Variants in FSTL4 observed in about 807,000 individuals in gnomAD.
FSTL4 encodes the protein follistatin-related protein 4.
A neutral mutation model predicts 78.2 loss-of-function variants in FSTL4; 28 were observed. The ratio of observed to expected loss-of-function variants is 0.36; its 90% CI spans 0.27 to 0.49. The LOEUF (loss-of-function observed/expected upper bound fraction) is 0.49, where lower values mean the gene tolerates loss of function less well. Ranked by LOEUF, FSTL4 falls within the 20% of genes least tolerant of loss-of-function variation. The pLI is 0.98. For synonymous variants in FSTL4, 422 were observed against 440.5 expected (o/e 0.96, Z 0.53); for missense variants, 922 against 1,084.9 (o/e 0.85, Z 2.11).
At chr5:133,414,487 C>A (rs1307352381) in intron 3 of FSTL4, among the ~76,000 whole-genome samples, 3 of 152,114 alleles carry the variant, frequency 2.0e-5, no homozygotes, top group Admixed American at 2.0e-4. Flanking sequence ...GTATGTAAAC[C>A]AAAACCAACG....
chr5:133,242,693 C>A (rs17166431), intron 7 of FSTL4, among the ~76,000 whole-genome samples: 68,887 of 152,052 alleles, frequency 0.45, 19,899 homozygotes, highest in African/African-American at 0.8. Flanking sequence ...TCTCTGGACA[C>A]TACTCCCAAT....
chr5:133,830,362 A>G, the FSTL4 span, among the ~76,000 whole-genome samples: 3 of 152,314 alleles, frequency 2.0e-5, no homozygotes, highest in Non-Finnish European at 2.9e-5. Flanking sequence ...CAGCATGGCT[A>G]GAAGTAGCTC....
At chr5:133,356,972 A>G (rs1430402673) in intron 4 of FSTL4, among the ~76,000 whole-genome samples, 1 of 152,228 alleles carries the variant, frequency 6.6e-6, no homozygotes, top group African/African-American at 2.4e-5. Context: ...TTGGTTTTAC[A>G]GTCCAGGGCC....
At chr5:133,286,134 G>T (rs1253391750) in intron 6 of FSTL4, among the ~76,000 whole-genome samples, 1 of 152,226 alleles carries the variant, frequency 6.6e-6, no homozygotes, top group African/African-American at 2.4e-5. Context: ...GTTGTGCAGT[G>T]CTTAGGAGCC....
At chr5:133,571,186 A>G (rs1760146559) in intron 2 of FSTL4, among the ~76,000 whole-genome samples, 1 of 152,200 alleles carries the variant, frequency 6.6e-6, no homozygotes, top group South Asian at 2.1e-4. Context: ...TAGGCTTTCC[A>G]AGAAATAGTC....
chr5:133,779,241 C>A, the FSTL4 span, among the ~76,000 whole-genome samples: 1 of 152,174 alleles, frequency 6.6e-6, no homozygotes, highest in Non-Finnish European at 1.5e-5. Flanking sequence ...CCACTCCTGT[C>A]CCCTAATGGT....
intron 6 of FSTL4, among the ~76,000 whole-genome samples, chr5:133,281,262 C>G (rs1753003744): frequency 6.6e-6 from 1 of 152,134 alleles, no homozygotes; most frequent in African/African-American, 2.4e-5. Context: ...ACTTCAAGGT[C>G]TTGAGTCCAG....
the FSTL4 span, among the ~76,000 whole-genome samples, chr5:133,769,546 T>G: frequency 6.6e-6 from 1 of 152,168 alleles, no homozygotes; most frequent in Non-Finnish European, 1.5e-5. Context: ...GGTCCATCAG[T>G]ATCATCAGTG....
intron 3 of FSTL4, among the ~76,000 whole-genome samples, chr5:133,404,271 C>T (rs1409271411): frequency 1.3e-5 from 2 of 152,214 alleles, no homozygotes; most frequent in Admixed American, 6.5e-5. Context: ...CTTGTTACCA[C>T]TTCCTCCTTG....
At chr5:133,825,234 T>C in the FSTL4 span, among the ~76,000 whole-genome samples, 1 of 152,136 alleles carries the variant, frequency 6.6e-6, no homozygotes. Flanking sequence ...CACAGCTCAC[T>C]CCTTTTTCAG....
chr5:133,598,677 G>A (rs1272337552), intron 2 of FSTL4, among the ~76,000 whole-genome samples: 4 of 150,756 alleles, frequency 2.7e-5, no homozygotes, highest in Non-Finnish European at 5.9e-5. Context: ...TGCAGAGGAA[G>A]TTCTGGATCC....
At chr5:133,437,050 A>G (rs773192892) in intron 3 of FSTL4, among the ~76,000 whole-genome samples, 3 of 152,198 alleles carry the variant, frequency 2.0e-5, no homozygotes, top group African/African-American at 4.8e-5. Flanking sequence ...TGGCTCAAAG[A>G]TCTATGGCTT....
At chr5:133,433,740 G>A (rs564706735) in intron 3 of FSTL4, among the ~76,000 whole-genome samples, 1 of 152,302 alleles carries the variant, frequency 6.6e-6, no homozygotes, top group Admixed American at 6.5e-5. Context: ...TGGAGGAGGT[G>A]GATTTAAGCT....
chr5:133,515,223 T>C (rs1758829127), intron 3 of FSTL4, among the ~76,000 whole-genome samples: 2 of 152,032 alleles, frequency 1.3e-5, no homozygotes, highest in Non-Finnish European at 2.9e-5. Context: ...CTAATAATAA[T>C]AGAAACTAAG....
chr5:133,255,438 G>C (rs539389510), intron 6 of FSTL4, among the ~76,000 whole-genome samples: 18 of 152,316 alleles, frequency 1.2e-4, no homozygotes, highest in Admixed American at 1.2e-3. Context: ...ATATCCCCCT[G>C]GGATGAAAAC....
chr5:133,540,052 G>T (rs1371806987), intron 3 of FSTL4, among the ~76,000 whole-genome samples: 2 of 151,646 alleles, frequency 1.3e-5, no homozygotes, highest in Non-Finnish European at 2.9e-5. Context: ...TCAGTTGAAG[G>T]CCTTAATAGA....
chr5:133,719,461 G>A, the FSTL4 span, among the ~76,000 whole-genome samples: 1 of 151,932 alleles, frequency 6.6e-6, no homozygotes, highest in Non-Finnish European at 1.5e-5. Context: ...CCTGAGGTCG[G>A]GAGTTCGAAA....
the FSTL4 span, among the ~76,000 whole-genome samples, chr5:133,699,825 G>A: frequency 7.1e-6 from 1 of 141,638 alleles, no homozygotes; most frequent in Non-Finnish European, 1.5e-5. Context: ...AGCTTCCAGT[G>A]AGCCGAGATA....
rs572741283 is a variant in FSTL4 at position 133,571,637 on chromosome 5, T to C, written c.127-4418A>G. ...GATGGATGCACCAAAATCTCCGAAA[T>C]CACCACTAAAAACCTGTAACCAAAC... On this transcript the variant is annotated intron_variant, in intron 2 of 15. Coordinates refer to ENST00000265342, the MANE Select transcript of FSTL4 (RefSeq NM_015082.2). Among the ~76,000 whole-genome samples, 19 of 152,286 alleles carry C rather than the reference T, an allele frequency of 1.2e-4. 1 individual carries two copies. In the South Asian group the frequency reaches 1.9e-3, roughly 15 times the overall value.
Sources: allele counts gnomAD v4.1 joint callset (sites outside exome capture counted in the v4.1 genomes callset), GRCh38; gene constraint gnomAD v4.1.1; transcripts MANE v1.5; gene names NCBI Gene and HGNC (gene_info 2026-07-23, HGNC 2026-07-21).